Variants in EIF3B observed in about 807,000 individuals in gnomAD.
The protein encoded by EIF3B is eukaryotic translation initiation factor 3 subunit 9.
A neutral mutation model predicts 104.6 loss-of-function variants in EIF3B; 10 were observed. That is an observed-to-expected ratio of 0.10 (90% CI 0.06 to 0.16). The LOEUF (loss-of-function observed/expected upper bound fraction) is 0.16, where lower values mean the gene tolerates loss of function less well. Ranked by LOEUF, EIF3B falls within the 10% of genes least tolerant of loss-of-function variation. The probability of loss-of-function intolerance (pLI) is 1.00; values close to 1 mark genes in which losing one functional copy is unlikely to be tolerated. For synonymous variants in EIF3B, 542 were observed against 417.2 expected, an observed-to-expected ratio of 1.30 and a Z score of -3.65; for missense variants, 1,014 against 1,087.9, an observed-to-expected ratio of 0.93 and a Z score of 0.96.
At chr7:2,363,333 C>T (rs1466592582) in intron 4 of EIF3B, among the ~76,000 whole-genome samples, 1 of 152,012 alleles carries the variant, frequency 6.6e-6, no homozygotes, top group Non-Finnish European at 1.5e-5. Context: ...CTGGCATGCA[C>T]CTGTATTCCC....
intron 15 of EIF3B, chr7:2,378,478 TCA>T (rs2115342973): frequency 4.3e-6 from 1 of 232,890 alleles, no homozygotes; most frequent in Non-Finnish European, 8.1e-6. Context: ...ACCCTGGGTG[TCA>T]TGGAGGAAGG....
intron 1 of EIF3B, among the ~76,000 whole-genome samples, chr7:2,356,016 C>T (rs552014160): frequency 6.6e-5 from 10 of 152,226 alleles, no homozygotes; most frequent in Admixed American, 3.3e-4. Flanking sequence ...TTAATATTGC[C>T]GATAACAGCC....
intron 3 of EIF3B, 90 bp from the exon 4 acceptor site, chr7:2,362,980 A>G (rs1779820493): frequency 6.6e-7 from 1 of 1,523,680 alleles, no homozygotes. Flanking sequence ...GCGGGCAGGC[A>G]GGAGCACAGC....
chr7:2,362,517 C>G (rs1285846129), intron 2 of EIF3B, 128 bp from the exon 3 acceptor site: 1 of 1,198,318 alleles, frequency 8.3e-7, no homozygotes, highest in Non-Finnish European at 1.2e-6. Flanking sequence ...GCCTTAGGCT[C>G]GAGGCAGGAA....
At chr7:2,366,627 G>A in intron 8 of EIF3B, 36 bp downstream of exon 8, 2 of 1,610,848 alleles carry the variant, frequency 1.2e-6, no homozygotes, top group Non-Finnish European at 1.7e-6. Flanking sequence ...GCCCCGTCCG[G>A]TCCTTGCTTG....
chr7:2,355,346 C>T lies in EIF3B; in HGVS notation c.425C>T (p.Ala142Val). Residue 142 changes from alanine (A) to valine (V), a missense_variant, in exon 1 of 19, where the codon GCG becomes GTG. By Grantham distance (64) the Ala-to-Val change is moderately conservative (BLOSUM62 0). Around this residue, in one of 4 missense-constraint regions of EIF3B, gnomAD observed 488 missense variants for 404.3 expected, o/e 1.21. Coordinates refer to ENST00000360876, the MANE Select transcript of EIF3B (RefSeq NM_001037283.2). ...EGRAAEAEPR[A>V]LENGDADEPS... Reference sequence around the variant, plus strand: ...AGAGCGGCCGAGGCCGAACCCCGGGCGCTGGAGAACGGCGACGCGGACGAG... The same window carrying T: ...AGAGCGGCCGAGGCCGAACCCCGGGTGCTGGAGAACGGCGACGCGGACGAG... The T allele has an allele frequency of 1.3e-6, 2 of 1,539,346 alleles. No individual in the cohort carries two copies. The highest frequency in any genetic ancestry group is 8.7e-7 in the Non-Finnish European group (1 of 1,149,598).
In EIF3B at chr7:2,355,291, G is replaced by A. The variant is rs944114487; in HGVS notation, c.370G>A (p.Val124Met). The A allele has an allele frequency of 2.6e-6, 4 of 1,537,660 alleles. No individual in the cohort carries two copies. Among genetic ancestry groups the A allele is most frequent in the Non-Finnish European group, 3.5e-6 (4 of 1,149,114 alleles). Residue 124 changes from valine to methionine, a missense_variant, in exon 1 of 19, where the codon GTG (valine) becomes ATG (methionine). Physicochemically the swap from Val to Met is conservative, Grantham distance 21 (BLOSUM62 1). Transcript: ENST00000360876. ...DERSDSRAQA[V>M]SEDAGGNEGR... Reference sequence around the variant, plus strand: ...GCGCTCCGACAGCCGGGCCCAGGCGGTGTCCGAGGACGCGGGAGGAAACGA... The same window carrying A: ...GCGCTCCGACAGCCGGGCCCAGGCGATGTCCGAGGACGCGGGAGGAAACGA...
Position 2,362,949 on chromosome 7 carries a change from A to G in EIF3B, c.813-121A>G, listed in dbSNP as rs557656982. 1.2e-3 allele frequency: 1,735 copies of G among 1,443,234 alleles called. 3 individuals carry two copies. Among genetic ancestry groups the G allele is most frequent in the South Asian group, 2.5e-3 (214 of 85,612 alleles). 89.4% of individuals were successfully genotyped at this position (1,443,234 alleles called of 1,614,324 possible). On this transcript the variant is annotated intron_variant, in intron 3 of 18. Transcript: ENST00000360876. Reference sequence around the variant, plus strand: ...CTGGCCTACAGCACCCCTCCCTGTTATGCCAGTCACAGCCCTGGGGGCGGG... The same window carrying G: ...CTGGCCTACAGCACCCCTCCCTGTTGTGCCAGTCACAGCCCTGGGGGCGGG...
chr7:2,376,787 T>C, intron 14 of EIF3B, 163 bp from the exon 15 acceptor site: 1 of 1,015,532 alleles, frequency 9.8e-7, no homozygotes, highest in Non-Finnish European at 1.4e-6. Context: ...TGGAGGTGTC[T>C]TGCATTGACT....
chr7:2,374,410 CA>C, intron 12 of EIF3B, 117 bp from the exon 13 acceptor site: 1 of 853,474 alleles, frequency 1.2e-6, no homozygotes, highest in Admixed American at 2.2e-5. Context: ...CGAGGTGGTC[CA>C]GCATTACCAG....
At chr7:2,362,911 C>T (rs973797277) in intron 3 of EIF3B, 147 bp downstream of exon 3, 3 of 1,433,036 alleles carry the variant, frequency 2.1e-6, no homozygotes, top group Non-Finnish European at 2.9e-6. Context: ...TTTCACAGCC[C>T]TGCCCCACAC....
At chr7:2,364,619 C>T in intron 6 of EIF3B, 90 bp downstream of exon 6, 1 of 1,271,932 alleles carries the variant, frequency 7.9e-7, no homozygotes, top group Non-Finnish European at 1.1e-6. Context: ...GCATTTCAAA[C>T]TTAGTAGAAA....
intron 6 of EIF3B, 133 bp from the exon 7 acceptor site, chr7:2,366,184 T>C (rs569114868): frequency 6.5e-6 from 6 of 926,070 alleles, no homozygotes; most frequent in East Asian, 5.2e-5. Flanking sequence ...CTTGGGTCTC[T>C]TGGGGCCGGG....
chr7:2,357,072 G>T (rs950942694), intron 1 of EIF3B, among the ~76,000 whole-genome samples: 1 of 152,132 alleles, frequency 6.6e-6, no homozygotes, highest in Non-Finnish European at 1.5e-5. Context: ...TGTTATTATG[G>T]TTTAAAAATC....
rs181288606 is a variant in EIF3B, at chr7:2,367,892, T to C, written c.1403+847T>C. 1.3e-3 allele frequency among the ~76,000 whole-genome samples: 158 copies of C among 126,400 alleles called. 1 individual carries two copies. The highest frequency in any genetic ancestry group is 2.1e-3 in the Non-Finnish European group (130 of 62,486). 82.9% of individuals were successfully genotyped at this position (126,400 alleles called of 152,430 possible). A position where few individuals can be genotyped will look rare whatever the true frequency, so the allele number is the denominator to read the frequency against. Reference sequence around the variant, plus strand: ...AGTCTTACTCTGTCTTGCAGGCTGGTGTAGAGTGGCGAGATCTTGGCTCAC... The same window carrying C: ...AGTCTTACTCTGTCTTGCAGGCTGGCGTAGAGTGGCGAGATCTTGGCTCAC... On this transcript the variant is annotated intron_variant, in intron 9 of 18. Coordinates refer to ENST00000360876, the MANE Select transcript of EIF3B (RefSeq NM_001037283.2).
At chr7:2,371,149 C>T (rs1752430937) in intron 10 of EIF3B, among the ~76,000 whole-genome samples, 1 of 152,258 alleles carries the variant, frequency 6.6e-6, no homozygotes, top group African/African-American at 2.4e-5. Context: ...CTCCTGGCAT[C>T]ACGAATGTCT....
chr7:2,369,731 A>C (rs1421238614), intron 10 of EIF3B, 49 bp downstream of exon 10: 1 of 1,425,374 alleles, frequency 7.0e-7, no homozygotes, highest in Non-Finnish European at 9.8e-7. Context: ...TGAGCTCTGA[A>C]GTGGCCACCG....
At chr7:2,376,612 G>T in intron 14 of EIF3B, 1 of 260,818 alleles carries the variant, frequency 3.8e-6, no homozygotes, top group South Asian at 5.7e-5. Flanking sequence ...TTGGCACAGG[G>T]TTCAGTCCAG....
intron 9 of EIF3B, 29 bp from the exon 10 acceptor site, chr7:2,369,443 C>T (rs755283834): frequency 1.9e-6 from 3 of 1,610,426 alleles, no homozygotes; most frequent in African/African-American, 2.7e-5. Flanking sequence ...TTGGTCTTTG[C>T]TTTAACATTT....
Sources: gnomAD v4.1 joint callset for allele counts (sites outside exome capture counted in the v4.1 genomes callset) on GRCh38, gnomAD v4.1.1 for gene constraint, gnomAD v4.1.1 regional missense constraint, MANE v1.5 for transcripts, NCBI Gene and HGNC (gene_info 2026-07-23, HGNC 2026-07-21) for gene names.